The following NF2 variants were observed in gnomAD, a reference collection of about 807,000 sequenced individuals.
NF2 encodes NF2, moesin-ezrin-radixin like (MERLIN) tumor suppressor.
NF2 carries 8 observed loss-of-function variants against 83.7 expected under a neutral mutation model. That is an observed-to-expected ratio of 0.10 (90% CI 0.06 to 0.17). The LOEUF (loss-of-function observed/expected upper bound fraction) is 0.17, where lower values mean the gene tolerates loss of function less well. Among genes scored for constraint, NF2 ranks in the 10% least tolerant of loss-of-function variants. The pLI, the probability that NF2 is intolerant of heterozygous loss-of-function variation, is 1.00. For missense variants in NF2, 533 were observed against 744.4 expected (o/e 0.72, Z 3.31); for synonymous variants, 266 against 269.6 (o/e 0.99, Z 0.13).
intron 8 of NF2, 132 bp downstream of exon 8, chr22:29,661,471 G>C: frequency 7.3e-7 from 1 of 1,373,764 alleles, no homozygotes; most frequent in Non-Finnish European, 1.0e-6. Context: ...TGAGGGTGTG[G>C]TTGTTGATTT....
At chr22:29,650,180 C>T (rs1184718778) in intron 4 of NF2, among the ~76,000 whole-genome samples, 1 of 152,096 alleles carries the variant, frequency 6.6e-6, no homozygotes, top group Non-Finnish European at 1.5e-5. Context: ...TACTAAAAAA[C>T]ACTGAATTGT....
intron 15 of NF2, among the ~76,000 whole-genome samples, chr22:29,682,413 G>C (rs1195792042): frequency 1.3e-5 from 2 of 152,160 alleles, no homozygotes; most frequent in Non-Finnish European, 2.9e-5. Flanking sequence ...GACTGTCTCT[G>C]TTTTTAGTGG....
At chr22:29,673,898 T>A (rs969215506) in intron 12 of NF2, among the ~76,000 whole-genome samples, 4 of 152,190 alleles carry the variant, frequency 2.6e-5, no homozygotes, top group Non-Finnish European at 5.9e-5. Context: ...AGCAGCTGCC[T>A]ACCTTTAAAG....
chr22:29,688,310 ATG>A (rs917189171), intron 15 of NF2, among the ~76,000 whole-genome samples: 4 of 152,150 alleles, frequency 2.6e-5, no homozygotes, highest in African/African-American at 9.7e-5. Context: ...GGCACTGAAG[ATG>A]TGTTTCAGTG....
At chr22:29,614,163 G>C (rs1001650600) in intron 1 of NF2, among the ~76,000 whole-genome samples, 1 of 151,608 alleles carries the variant, frequency 6.6e-6, no homozygotes, top group Non-Finnish European at 1.5e-5. Flanking sequence ...TTAACTCATG[G>C]CTGGGCACGG....
At chr22:29,660,199 A>G (rs952793775) in intron 7 of NF2, among the ~76,000 whole-genome samples, 5 of 152,194 alleles carry the variant, frequency 3.3e-5, no homozygotes, top group Non-Finnish European at 5.9e-5. Context: ...TCGCAGGTTC[A>G]GTGCTGTGGG....
At chr22:29,628,140 C>CTGTGTGTGTGTGTG (rs3138701) in intron 1 of NF2, among the ~76,000 whole-genome samples, 74 of 139,766 alleles carry the variant, frequency 5.3e-4, no homozygotes, top group African/African-American at 1.8e-3. Context: ...GAGACTTAAT[C>CTGTGTGTGTGTGTG]TGTGTGTGTG....
Position 29,669,214 on chromosome 22 carries a change from G to A in NF2, c.999+768G>A, listed in dbSNP as rs1057352509. On this transcript the variant is annotated intron_variant, in intron 10 of 15. Coordinates refer to ENST00000338641, the MANE Select transcript of NF2 (RefSeq NM_000268.4). ...CCTAGGATTTAGAATGAAATGCCCA[G>A]TGTGCTTTCAGCTCTCTATCTCTTT... 3.3e-5 allele frequency among the ~76,000 whole-genome samples: 5 copies of A among 152,352 alleles called. No individual in the cohort carries two copies. In the East Asian group the frequency reaches 9.6e-4, roughly 29 times the overall value.
intron 1 of NF2, among the ~76,000 whole-genome samples, chr22:29,627,817 C>T (rs987646523): frequency 6.6e-6 from 1 of 152,088 alleles, no homozygotes; most frequent in Non-Finnish European, 1.5e-5. Context: ...TTACTAGTCT[C>T]CTTTGTTCTG....
Position 29,695,233 on chromosome 22 carries a change from T to G in NF2, c.*431T>G. The G allele has an allele frequency of 1.4e-5, 5 of 359,576 alleles. No homozygotes were observed. The highest frequency in any genetic ancestry group is 2.6e-5 in the Non-Finnish European group (5 of 190,888). 22.3% of individuals were successfully genotyped at this position (359,576 alleles called of 1,614,324 possible). A position where few individuals can be genotyped will look rare whatever the true frequency, so the allele number is the denominator to read the frequency against. On this transcript the variant is annotated 3_prime_UTR_variant, in exon 16 of 16. Coordinates refer to ENST00000338641, the MANE Select transcript of NF2 (RefSeq NM_000268.4). The surrounding 1 kb of genome is among the most constrained non-coding windows in gnomAD (Gnocchi z 5.4). Reference sequence around the variant, plus strand: ...CCCGCCCAGGGTTCCGGAACATTCATTCCCCCACCGGTGAGGACCTGGCAT... The same window carrying G: ...CCCGCCCAGGGTTCCGGAACATTCAGTCCCCCACCGGTGAGGACCTGGCAT...
In NF2 at chr22:29,665,050, C is replaced by A; in HGVS notation, c.871C>A (p.Arg291Ser). The change falls in exon 9 of 16, where the codon CGT becomes AGT. Residue 291 changes from arginine (R) to serine (S), a missense_variant. Arg to Ser is a moderately radical substitution (Grantham distance 110). Around this residue, in one of 3 missense-constraint regions of NF2, gnomAD observed 326 missense variants for 475.1 expected, o/e 0.69. Coordinates refer to ENST00000338641, the MANE Select transcript of NF2 (RefSeq NM_000268.4). Reference sequence around the variant, plus strand: ...CTTCAAGTTTAACTCCTCAAAGCTTCGTGTTAATAAGCTGGTAAGTTGAGA... The same window carrying A: ...CTTCAAGTTTAACTCCTCAAAGCTTAGTGTTAATAAGCTGGTAAGTTGAGA... ...DVFKFNSSKL[R>S]VNKLILQLCI... 6.2e-7 allele frequency: 1 copy of A among 1,613,078 alleles called. No homozygotes were observed. Among genetic ancestry groups the A allele is most frequent in the Non-Finnish European group, 8.5e-7 (1 of 1,179,102 alleles).
At chr22:29,677,373 T>C (rs1601657254) in intron 13 of NF2, among the ~76,000 whole-genome samples, 1 of 151,500 alleles carries the variant, frequency 6.6e-6, no homozygotes, top group Non-Finnish European at 1.5e-5. Context: ...GGTACAGAGA[T>C]GGGAAGGCAG....
chr22:29,634,098 C>T (rs1021197329), intron 1 of NF2, among the ~76,000 whole-genome samples: 1 of 152,146 alleles, frequency 6.6e-6, no homozygotes, highest in African/African-American at 2.4e-5. Flanking sequence ...CTAGGGTCTG[C>T]GGTTTGCCTA....
intron 1 of NF2, chr22:29,609,277 G>T: frequency 1.4e-6 from 1 of 703,920 alleles, no homozygotes; most frequent in Non-Finnish European, 2.7e-6. Flanking sequence ...ATAAATTCAT[G>T]GAAGATATGA....
chr22:29,668,474 A>G (rs762989634), intron 10 of NF2, 28 bp downstream of exon 10: 2 of 1,557,896 alleles, frequency 1.3e-6, no homozygotes, highest in African/African-American at 1.4e-5. Context: ...TTAACTGATG[A>G]TGTCACTGTG....
At chr22:29,683,381 T>A (rs757607119) in intron 15 of NF2, 3 of 1,340,028 alleles carry the variant, frequency 2.2e-6, no homozygotes, top group Non-Finnish European at 2.9e-6. Context: ...GTCAGGTGTG[T>A]CTAAAAGTCC....
chr22:29,684,477 A>G (rs1471614233), intron 15 of NF2, among the ~76,000 whole-genome samples: 1 of 152,116 alleles, frequency 6.6e-6, no homozygotes, highest in Non-Finnish European at 1.5e-5. Flanking sequence ...CCTGAATGTG[A>G]CTTCCTCTTT....
intron 15 of NF2, among the ~76,000 whole-genome samples, chr22:29,691,597 T>C (rs2067405355): frequency 6.6e-6 from 1 of 152,232 alleles, no homozygotes; most frequent in South Asian, 2.1e-4. Context: ...TTCTGAGCTT[T>C]TGCCTTTTCC....
chr22:29,682,343 C>G (rs1237165962), intron 15 of NF2, among the ~76,000 whole-genome samples: 2 of 152,188 alleles, frequency 1.3e-5, no homozygotes, highest in Non-Finnish European at 2.9e-5. Context: ...TTAGGTGATA[C>G]TGATACAGTT....
Sources: gnomAD v4.1 joint callset for allele counts (sites outside exome capture counted in the v4.1 genomes callset) on GRCh38, gnomAD v4.1.1 for gene constraint, gnomAD v4.1.1 regional missense constraint, Gnocchi (gnomAD v3.1) non-coding constraint, MANE v1.5 for transcripts, NCBI Gene and HGNC (gene_info 2026-07-23, HGNC 2026-07-21) for gene names.